Variants in TXK observed in about 807,000 individuals in gnomAD.
The protein encoded by TXK is tyrosine-protein kinase TXK.
TXK carries 60 observed loss-of-function variants against 81.0 expected under a neutral mutation model. The ratio of observed to expected loss-of-function variants is 0.74; its 90% CI spans 0.60 to 0.92. The LOEUF is 0.92. Among genes scored for constraint, TXK ranks in the 40% least tolerant of loss-of-function variants. TXK has a pLI of 0.00. For missense variants in TXK, 581 were observed against 638.3 expected, an observed-to-expected ratio of 0.91 and a Z score of 0.97; for synonymous variants, 203 against 210.7, an observed-to-expected ratio of 0.96 and a Z score of 0.32.
intron 9 of TXK, among the ~76,000 whole-genome samples, chr4:48,087,469 TC>T (rs1717580860): frequency 6.6e-6 from 1 of 151,844 alleles, no homozygotes; most frequent in Non-Finnish European, 1.5e-5. Flanking sequence ...AGGGTCTCAC[TC>T]TCTCACCCAG....
Position 48,073,928 on chromosome 4 carries a change from C to A in TXK, c.1357+7G>T. 6.5e-7 allele frequency: 1 copy of A among 1,544,376 alleles called. No individual in the cohort carries two copies. The highest frequency in any genetic ancestry group is 8.9e-7 in the Non-Finnish European group (1 of 1,120,200). On this transcript the variant is annotated splice_region_variant and intron_variant, in intron 13 of 14. Transcript: ENST00000264316. ...AGCTCCAGCAAGTGAACATCAGATG[C>A]ACTCACCAAATGACCAGACATCAGA...
At chr4:48,081,602 C>T (rs891428887) in intron 10 of TXK, among the ~76,000 whole-genome samples, 26 of 152,080 alleles carry the variant, frequency 1.7e-4, no homozygotes, top group Non-Finnish European at 3.4e-4. Context: ...TTCTCCAGTT[C>T]TCCTTTTCTA....
chr4:48,073,422 A>G (rs1176392399), intron 13 of TXK, among the ~76,000 whole-genome samples: 1 of 152,188 alleles, frequency 6.6e-6, no homozygotes, highest in Non-Finnish European at 1.5e-5. Context: ...TCCAATATGA[A>G]TATCAATTTA....
chr4:48,078,463 T>C (rs1323721873), intron 11 of TXK, among the ~76,000 whole-genome samples: 2 of 152,240 alleles, frequency 1.3e-5, no homozygotes. Context: ...GGATTTCTCA[T>C]AGACTTCTCC....
intron 1 of TXK, among the ~76,000 whole-genome samples, chr4:48,123,636 G>A (rs183859498): frequency 1.2e-4 from 18 of 152,258 alleles, no homozygotes; most frequent in Middle Eastern, 3.4e-3. Flanking sequence ...AGTAGATGCC[G>A]TTTTACAGAT....
In TXK at chr4:48,071,553, C is replaced by T; in HGVS notation, c.1479G>A (p.Met493Ile). 1.2e-6 allele frequency: 2 copies of T among 1,614,124 alleles called. No individual in the cohort carries two copies. The highest frequency in any genetic ancestry group is 1.7e-6 in the Non-Finnish European group (2 of 1,180,006). ...AGCTGTACATGACTTCATATATGGA[C>T]ATTGGTGCCAGGTGAGGGCGATATA... ...FRLYRPHLAP[M>I]SIYEVMYSCW... is the part of the protein sequence containing the mutation. The change falls in exon 14 of 15, where the codon ATG becomes ATA. Residue 493 changes from methionine to isoleucine, a missense_variant. By Grantham distance (10) the Met-to-Ile change is conservative (BLOSUM62 1). Transcript: ENST00000264316.
At chr4:48,104,220 A>T (rs370942200) in intron 6 of TXK, among the ~76,000 whole-genome samples, 12 of 46,230 alleles carry the variant, frequency 2.6e-4, no homozygotes, top group Non-Finnish European at 2.8e-4. Context: ...ATATATATAT[A>T]TTATATATTA....
chr4:48,127,853 G>A (rs563934226), intron 1 of TXK, among the ~76,000 whole-genome samples: 5 of 152,196 alleles, frequency 3.3e-5, no homozygotes, highest in East Asian at 1.9e-4. Context: ...AAGGATTTGC[G>A]CCCCTCTGTC....
At chr4:48,107,392 C>T (rs535849399) in intron 5 of TXK, among the ~76,000 whole-genome samples, 2 of 151,638 alleles carry the variant, frequency 1.3e-5, no homozygotes, top group African/African-American at 2.4e-5. Flanking sequence ...CACCCTCCCC[C>T]CAAAACACAC....
intron 1 of TXK, among the ~76,000 whole-genome samples, chr4:48,115,333 G>A (rs192134754): frequency 4.4e-4 from 67 of 152,204 alleles, no homozygotes; most frequent in Non-Finnish European, 7.1e-4. Flanking sequence ...AGTTTGCTGA[G>A]AATGATGGCT....
intron 1 of TXK, among the ~76,000 whole-genome samples, chr4:48,120,218 C>T (rs1049482757): frequency 4.4e-5 from 4 of 91,710 alleles, no homozygotes; most frequent in Non-Finnish European, 6.1e-5. Context: ...TATATATGTA[C>T]ATATATACGT....
intron 1 of TXK, among the ~76,000 whole-genome samples, chr4:48,126,290 T>C (rs997082312): frequency 6.6e-6 from 1 of 152,234 alleles, no homozygotes; most frequent in Non-Finnish European, 1.5e-5. Flanking sequence ...ATAGTAAATC[T>C]ATTTTCTCTT....
intron 11 of TXK, among the ~76,000 whole-genome samples, chr4:48,079,417 G>A (rs1256076316): frequency 2.6e-5 from 4 of 152,118 alleles, no homozygotes; most frequent in Non-Finnish European, 2.9e-5. Flanking sequence ...CACCCAGATC[G>A]ATTAACTGGC....
At chr4:48,128,849 G>A (rs1467543338) in intron 1 of TXK, among the ~76,000 whole-genome samples, 1 of 151,946 alleles carries the variant, frequency 6.6e-6, no homozygotes, top group Non-Finnish European at 1.5e-5. Flanking sequence ...TTACAGGCGT[G>A]AGCCACCGCG....
At chr4:48,119,998 C>A (rs542335772) in intron 1 of TXK, among the ~76,000 whole-genome samples, 1 of 151,896 alleles carries the variant, frequency 6.6e-6, no homozygotes, top group Non-Finnish European at 1.5e-5. Context: ...TGGAGGTATT[C>A]AAATTCAAAA....
At chr4:48,082,302 A>G (rs1717332578) in intron 10 of TXK, among the ~76,000 whole-genome samples, 2 of 152,096 alleles carry the variant, frequency 1.3e-5, no homozygotes, top group South Asian at 2.1e-4. Flanking sequence ...CCTCATAACC[A>G]TTAACATCAA....
intron 1 of TXK, among the ~76,000 whole-genome samples, chr4:48,119,219 T>C (rs1014426535): frequency 2.0e-5 from 3 of 152,166 alleles, no homozygotes; most frequent in African/African-American, 7.2e-5. Context: ...TGGAGAGGAA[T>C]GAATACTAAA....
intron 6 of TXK, among the ~76,000 whole-genome samples, chr4:48,102,807 T>C (rs1423847531): frequency 6.6e-6 from 1 of 152,210 alleles, no homozygotes; most frequent in Non-Finnish European, 1.5e-5. Context: ...TATGTACCCA[T>C]AACGGTACTT....
intron 1 of TXK, among the ~76,000 whole-genome samples, chr4:48,114,740 C>T (rs553564753): frequency 6.6e-6 from 1 of 152,286 alleles, no homozygotes; most frequent in Non-Finnish European, 1.5e-5. Context: ...AGAAGTGATG[C>T]TCTCCTAGGA....
Sources: gnomAD v4.1 joint callset for allele counts (sites outside exome capture counted in the v4.1 genomes callset) on GRCh38, gnomAD v4.1.1 for gene constraint, MANE v1.5 for transcripts, NCBI Gene and HGNC (gene_info 2026-07-23, HGNC 2026-07-21) for gene names.